RGS5: variants seen among roughly 807,000 people sequenced by gnomAD.
The protein encoded by RGS5 is regulator of G protein signaling 5, also known as regulator of G-protein signalling 5.
In RGS5, 20 loss-of-function variants were observed where a neutral mutation model predicts 18.9. The observed-to-expected ratio is 1.06, with a 90% CI of 0.74 to 1.54. The LOEUF (loss-of-function observed/expected upper bound fraction) is 1.54. RGS5 is among the 40% of genes most tolerant of loss of function. The pLI, the probability that RGS5 is intolerant of heterozygous loss-of-function variation, is 0.00. For missense variants in RGS5, 201 were observed against 211.8 expected (o/e 0.95, Z 0.32); for synonymous variants, 57 against 76.2 (o/e 0.75, Z 1.31).
chr1:163,186,572 CTG>C (rs939081891), intron 1 of RGS5, among the ~76,000 whole-genome samples: 1 of 87,594 alleles, frequency 1.1e-5, no homozygotes, highest in African/African-American at 4.4e-5. Context: ...GAGCGAGACT[CTG>C]TCTCAAAAAA....
chr1:163,281,904 A>T (rs1432937625), intron 2 of RGS5, among the ~76,000 whole-genome samples: 1 of 152,194 alleles, frequency 6.6e-6, no homozygotes, highest in East Asian at 1.9e-4. Flanking sequence ...TTCTAACCAT[A>T]TACAAAAATC....
chr1:163,172,356 A>G (rs1416671762), intron 1 of RGS5, among the ~76,000 whole-genome samples: 1 of 152,204 alleles, frequency 6.6e-6, no homozygotes, highest in Non-Finnish European at 1.5e-5. Context: ...TTCTGTGAAA[A>G]CACCATTTAT....
At chr1:163,256,182 C>T (rs1648267322) in intron 2 of RGS5, among the ~76,000 whole-genome samples, 1 of 152,090 alleles carries the variant, frequency 6.6e-6, no homozygotes, top group Non-Finnish European at 1.5e-5. Flanking sequence ...TCCCTGTTTG[C>T]AGATGACATG....
At chr1:163,311,754 A>C (rs996511585) in intron 1 of RGS5, among the ~76,000 whole-genome samples, 1 of 152,212 alleles carries the variant, frequency 6.6e-6, no homozygotes, top group Non-Finnish European at 1.5e-5. Context: ...AAGATTACCG[A>C]TTGCAGATCA....
At chr1:163,259,199 T>A (rs1648357576) in intron 2 of RGS5, among the ~76,000 whole-genome samples, 1 of 152,100 alleles carries the variant, frequency 6.6e-6, no homozygotes, top group South Asian at 2.1e-4. Flanking sequence ...TTGGCCAGGC[T>A]GAAGTGCAGT....
At chr1:163,161,725 T>C (rs1657805020) in intron 3 of RGS5, 190 bp downstream of exon 3, 1 of 520,220 alleles carries the variant, frequency 1.9e-6, no homozygotes, top group African/African-American at 1.9e-5. Flanking sequence ...TCCCTCATAG[T>C]GCCACAGACC....
intron 1 of RGS5, among the ~76,000 whole-genome samples, chr1:163,318,467 A>C (rs575178322): frequency 6.6e-6 from 1 of 152,298 alleles, no homozygotes; most frequent in South Asian, 2.1e-4. Flanking sequence ...TTGGGAGTAC[A>C]AATGAAAGCA....
chr1:163,242,653 G>C (rs905289781), intron 2 of RGS5, among the ~76,000 whole-genome samples: 1 of 152,152 alleles, frequency 6.6e-6, no homozygotes, highest in South Asian at 2.1e-4. Flanking sequence ...TGCACAGTCA[G>C]GAAATTGTGT....
intron 2 of RGS5, among the ~76,000 whole-genome samples, chr1:163,276,928 G>A (rs1648872575): frequency 6.6e-6 from 1 of 152,192 alleles, no homozygotes; most frequent in Non-Finnish European, 1.5e-5. Context: ...GGTCATGACA[G>A]GAATTGGGAG....
chr1:163,208,518 T>TTAAA (rs1660013902), intron 1 of RGS5, among the ~76,000 whole-genome samples: 1 of 14,464 alleles, frequency 6.9e-5, no homozygotes, highest in Non-Finnish European at 1.2e-4. Flanking sequence ...CCACCTCCAT[T>TTAAA]AAAAAAAAAA....
chr1:163,238,661 C>A (rs1180378508), intron 2 of RGS5: 3 of 273,900 alleles, frequency 1.1e-5, no homozygotes, highest in East Asian at 2.1e-4. Context: ...TTGGGTGGAA[C>A]TGAAAAAATT....
Position 163,210,168 on chromosome 1 carries a change from G to A in RGS5, c.69+7358C>T, listed in dbSNP as rs150208959. On this transcript the variant is annotated intron_variant, in intron 1 of 5. Transcript: ENST00000367903. ...CCACGCCCAACTAATTTTTTTTTTC[G>A]TATTTTTTGGGGTACAGACAGGGTT... is the stretch of plus-strand genomic sequence containing the variant. Among the ~76,000 whole-genome samples the A allele has an allele frequency of 1.1e-3, 160 of 148,724 alleles. 3 individuals are homozygous for A. The highest frequency in any genetic ancestry group is 3.7e-3 in the African/African-American group (150 of 40,510).
chr1:163,264,656 T>A (rs771147232), intron 2 of RGS5, among the ~76,000 whole-genome samples: 83 of 152,156 alleles, frequency 5.5e-4, no homozygotes, highest in South Asian at 6.2e-4. Flanking sequence ...TTTAAACACA[T>A]TGCTGAATCT....
chr1:163,208,518 TAAAAAAAA>T (rs55700806), intron 1 of RGS5, among the ~76,000 whole-genome samples: 12 of 14,464 alleles, frequency 8.3e-4, no homozygotes, highest in African/African-American at 1.9e-3. Context: ...CCACCTCCAT[TAAAAAAAA>T]AAAAAAAAAA....
chr1:163,148,385 G>A (rs1391543718), intron 4 of RGS5, among the ~76,000 whole-genome samples: 1 of 152,160 alleles, frequency 6.6e-6, no homozygotes, highest in Non-Finnish European at 1.5e-5. Flanking sequence ...CCAGGAAACA[G>A]TCATTCTGAC....
intron 2 of RGS5, among the ~76,000 whole-genome samples, chr1:163,249,324 C>G (rs1648036482): frequency 6.6e-6 from 1 of 152,150 alleles, no homozygotes; most frequent in African/African-American, 2.4e-5. Flanking sequence ...TGCACTATAC[C>G]AATAGTCTCT....
intron 3 of RGS5, among the ~76,000 whole-genome samples, chr1:163,153,901 T>C (rs986438659): frequency 2.0e-5 from 3 of 152,040 alleles, no homozygotes; most frequent in Non-Finnish European, 4.4e-5. Context: ...ATTTATTATC[T>C]AAGAAAAATA....
At chr1:163,233,120 T>A (rs1647525991) in intron 2 of RGS5, among the ~76,000 whole-genome samples, 1 of 152,372 alleles carries the variant, frequency 6.6e-6, no homozygotes, top group East Asian at 1.9e-4. Context: ...TTTGGATTTT[T>A]AAAAAATATT....
At chr1:163,312,386 T>C (rs1444452635) in intron 1 of RGS5, among the ~76,000 whole-genome samples, 1 of 152,154 alleles carries the variant, frequency 6.6e-6, no homozygotes, top group Non-Finnish European at 1.5e-5. Context: ...GTGGGACAGA[T>C]AGTAGTTATA....
Sources: gnomAD v4.1 joint callset for allele counts (sites outside exome capture counted in the v4.1 genomes callset) on GRCh38, gnomAD v4.1.1 for gene constraint, MANE v1.5 for transcripts, NCBI Gene and HGNC (gene_info 2026-07-23, HGNC 2026-07-21) for gene names.